The following LRP1B variants were observed in gnomAD, a reference collection of about 807,000 sequenced individuals.
LRP1B encodes low-density lipoprotein receptor-related protein 1B.
A neutral mutation model predicts 556.6 loss-of-function variants in LRP1B; 217 were observed. The observed-to-expected ratio is 0.39, with a 90% CI of 0.35 to 0.44. LRP1B has a LOEUF of 0.44. Among genes scored for constraint, LRP1B ranks in the 20% least tolerant of loss-of-function variants. LRP1B has a pLI of 1.00. For missense variants in LRP1B, 5,053 were observed against 5,620.8 expected (o/e 0.90, Z 3.23); for synonymous variants, 2,047 against 1,865.8 (o/e 1.10, Z -2.50).
At chr2:140,519,671 G>A (rs1319969291) in intron 49 of LRP1B, among the ~76,000 whole-genome samples, 1 of 152,126 alleles carries the variant, frequency 6.6e-6, no homozygotes, top group African/African-American at 2.4e-5. Context: ...AGAGTGAACA[G>A]GCAACCTACA....
intron 2 of LRP1B, among the ~76,000 whole-genome samples, chr2:141,619,840 G>A (rs1688439676): frequency 6.6e-6 from 1 of 152,192 alleles, no homozygotes; most frequent in Non-Finnish European, 1.5e-5. Context: ...AGAACTGTAA[G>A]TTGAGAACAT....
intron 2 of LRP1B, among the ~76,000 whole-genome samples, chr2:141,515,843 A>G (rs1684295685): frequency 6.6e-6 from 1 of 152,220 alleles, no homozygotes; most frequent in South Asian, 2.1e-4. Context: ...TGAACGCCCA[A>G]GTGAACTGTA....
At chr2:141,939,837 G>A (rs965021118) in intron 1 of LRP1B, among the ~76,000 whole-genome samples, 4 of 152,014 alleles carry the variant, frequency 2.6e-5, no homozygotes, top group Admixed American at 6.6e-5. Context: ...TTCCCCTCTG[G>A]CAAGTCAGTT....
chr2:141,578,949 A>G (rs111287564), intron 2 of LRP1B, among the ~76,000 whole-genome samples: 324 of 152,328 alleles, frequency 2.1e-3, no homozygotes, highest in Admixed American at 3.9e-3. Context: ...TTGAGTTTCC[A>G]GAAAACTCAG....
intron 2 of LRP1B, among the ~76,000 whole-genome samples, chr2:141,602,217 A>G (rs1373709517): frequency 6.6e-6 from 1 of 152,180 alleles, no homozygotes; most frequent in Admixed American, 6.5e-5. Context: ...CTGCAATAGT[A>G]TTCTGAGAAA....
intron 18 of LRP1B, among the ~76,000 whole-genome samples, chr2:140,953,239 C>T (rs1186354617): frequency 6.6e-6 from 1 of 152,046 alleles, no homozygotes; most frequent in Non-Finnish European, 1.5e-5. Context: ...TATAGGTGCG[C>T]ACCACCATGC....
chr2:141,300,817 A>C (rs1444442947), intron 3 of LRP1B, among the ~76,000 whole-genome samples: 1 of 152,100 alleles, frequency 6.6e-6, no homozygotes, highest in Non-Finnish European at 1.5e-5. Flanking sequence ...TGAGCCAATT[A>C]AACCTCTTTT....
intron 2 of LRP1B, among the ~76,000 whole-genome samples, chr2:141,646,584 C>T (rs951701043): frequency 7.2e-5 from 11 of 152,062 alleles, no homozygotes; most frequent in Admixed American, 5.9e-4. Flanking sequence ...ATAGCAACAA[C>T]TAGGACTAGT....
chr2:140,640,540 C>T (rs1352425372), intron 41 of LRP1B, among the ~76,000 whole-genome samples: 9 of 150,664 alleles, frequency 6.0e-5, no homozygotes, highest in Non-Finnish European at 8.9e-5. Flanking sequence ...GGACTACAGG[C>T]GCCCGCCACC....
chr2:141,899,703 T>TAACAAAAC, intron 1 of LRP1B, among the ~76,000 whole-genome samples: 1 of 152,230 alleles, frequency 6.6e-6, no homozygotes, highest in East Asian at 1.9e-4. Context: ...GTTTTTGTCT[T>TAACAAAAC]TGGAAAATCA....
At chr2:140,381,261 CA>C (rs2105189129) in intron 67 of LRP1B, among the ~76,000 whole-genome samples, 1 of 152,220 alleles carries the variant, frequency 6.6e-6, no homozygotes, top group South Asian at 2.1e-4. Context: ...CAGACTTTAT[CA>C]TGATACTATT....
chr2:141,942,067 G>C (rs1236070232), intron 1 of LRP1B, among the ~76,000 whole-genome samples: 1 of 152,154 alleles, frequency 6.6e-6, no homozygotes, highest in Non-Finnish European at 1.5e-5. Context: ...TGTTTCTGGT[G>C]AACCTCTGAA....
intron 7 of LRP1B, among the ~76,000 whole-genome samples, chr2:141,168,487 C>T (rs1444744596): frequency 6.6e-6 from 1 of 151,976 alleles, no homozygotes. Context: ...TAATCACACT[C>T]AATCACTACC....
At chr2:140,288,324 A>C (rs2104980907) in intron 84 of LRP1B, among the ~76,000 whole-genome samples, 1 of 151,924 alleles carries the variant, frequency 6.6e-6, no homozygotes, top group Admixed American at 6.6e-5. Context: ...TTAAATCTTT[A>C]ATAGTTAAAC....
chr2:140,478,777 C>T (rs1050583267), intron 59 of LRP1B, among the ~76,000 whole-genome samples: 5 of 151,970 alleles, frequency 3.3e-5, no homozygotes, highest in African/African-American at 7.3e-5. Context: ...ACAGTTTCTT[C>T]TCACAGGGTC....
At chr2:141,564,649 T>A (rs772286575) in intron 2 of LRP1B, among the ~76,000 whole-genome samples, 4 of 151,982 alleles carry the variant, frequency 2.6e-5, no homozygotes, top group Non-Finnish European at 4.4e-5. Flanking sequence ...CAGCATGTAT[T>A]TGAAAGAAAA....
At chr2:141,161,294 G>A (rs1314593654) in intron 7 of LRP1B, among the ~76,000 whole-genome samples, 2 of 152,020 alleles carry the variant, frequency 1.3e-5, no homozygotes, top group Non-Finnish European at 2.9e-5. Context: ...AGTTACTACA[G>A]CAGTGAACAG....
At chr2:141,746,816 T>C (rs925251891) in intron 2 of LRP1B, among the ~76,000 whole-genome samples, 6 of 152,190 alleles carry the variant, frequency 3.9e-5, no homozygotes, top group African/African-American at 1.4e-4. Context: ...ATTAATACCC[T>C]TATGGTATTA....
intron 11 of LRP1B, among the ~76,000 whole-genome samples, chr2:141,029,384 T>A (rs1698304401): frequency 6.6e-6 from 1 of 152,134 alleles, no homozygotes; most frequent in Non-Finnish European, 1.5e-5. Flanking sequence ...GCCTTGAGTG[T>A]CCCTGTACAT....
Sources: gnomAD v4.1 joint callset for allele counts (sites outside exome capture counted in the v4.1 genomes callset) on GRCh38, gnomAD v4.1.1 for gene constraint, MANE v1.5 for transcripts, NCBI Gene and HGNC (gene_info 2026-07-23, HGNC 2026-07-21) for gene names.